The following WASHC2C variants were observed in gnomAD, a reference collection of about 807,000 sequenced individuals.
The protein encoded by WASHC2C is Vaccinia Penetration Factor.
In WASHC2C, 73 loss-of-function variants were observed where a neutral mutation model predicts 142.2. The ratio of observed to expected loss-of-function variants is 0.51; its 90% CI spans 0.43 to 0.62. The LOEUF is 0.62. Ranked by LOEUF, WASHC2C falls within the 20% of genes least tolerant of loss-of-function variation. The pLI is 0.00. For missense variants in WASHC2C, 969 were observed against 1,531.7 expected (o/e 0.63, Z 6.13); for synonymous variants, 337 against 565.5 (o/e 0.60, Z 5.73).
intron 27 of WASHC2C, 69 bp from the exon 28 acceptor site, chr10:45,786,966 T>C (rs1554890449): frequency 9.9e-6 from 16 of 1,611,732 alleles, no homozygotes; most frequent in East Asian, 2.2e-5. Flanking sequence ...AATCTTGTCA[T>C]GTGTCACAAT....
At chr10:45,784,968 A>G (rs1160969818) in intron 25 of WASHC2C, 67 bp downstream of exon 25, 2 of 1,610,952 alleles carry the variant, frequency 1.2e-6, no homozygotes, top group African/African-American at 2.7e-5. Flanking sequence ...ACTAACGTCC[A>G]GTTAGATGAT....
intron 23 of WASHC2C, among the ~76,000 whole-genome samples, chr10:45,784,240 ATGTG>A (rs1190490955): frequency 3.1e-4 from 34 of 109,840 alleles, no homozygotes; most frequent in African/African-American, 9.0e-4. Context: ...ATATATATAT[ATGTG>A]TGTGTGTGTA....
At chr10:45,757,761 C>T (rs1256745145) in intron 16 of WASHC2C, among the ~76,000 whole-genome samples, 14 of 152,200 alleles carry the variant, frequency 9.2e-5, no homozygotes, top group African/African-American at 1.4e-4. Context: ...CTAGATCCCT[C>T]GCATGCACAG....
intron 7 of WASHC2C, among the ~76,000 whole-genome samples, chr10:45,745,589 A>G (rs1217069392): frequency 1.6e-4 from 24 of 151,352 alleles, no homozygotes; most frequent in African/African-American, 5.6e-4. Flanking sequence ...CCTCCAAAGA[A>G]AAACCTGACA....
intron 20 of WASHC2C, among the ~76,000 whole-genome samples, chr10:45,773,020 G>T (rs2056737599): frequency 6.8e-6 from 1 of 147,754 alleles, no homozygotes; most frequent in Non-Finnish European, 1.5e-5. Context: ...GATAGTAACA[G>T]GAAAGGGGCA....
chr10:45,753,234 G>A lies in WASHC2C; in HGVS notation c.1177G>A (p.Glu393Lys). 2 of 1,241,010 alleles carry A rather than the reference G, an allele frequency of 1.6e-6. No homozygotes were observed. Among genetic ancestry groups the A allele is most frequent in the Non-Finnish European group, 1.1e-6 (1 of 935,760 alleles). The allele number at this position is 1,241,010 out of a possible 1,614,324, so 76.9% of individuals were successfully genotyped here. The stretch of plus-strand genomic sequence containing the variant: ...TCGGCAAGCTGGAGCCTCTGTTAAG[G>A]AGGGTAAGCTGGGGCTGGGCAGCTG... ...QDRQAGASVK[E>K]ESSSSKPGKK... The change falls in exon 13 of 31, where the codon GAG becomes AAG. Residue 393 changes from glutamate to lysine, a missense_variant. Physicochemically the swap from Glu to Lys is moderately conservative, Grantham distance 56. Coordinates refer to ENST00000623400, the MANE Select transcript of WASHC2C (RefSeq NM_001330074.2).
Position 45,750,800 on chromosome 10 carries a change from AG to A in WASHC2C, c.898del (p.Asp300MetfsTer47). On this transcript the variant is annotated frameshift_variant, in exon 10 of 31. Transcript: ENST00000623400. LOFTEE classifies it high-confidence loss of function. ...GCAGATGAGCTGGCTGCCCGCATCA[AG>A]GGGGATGCCATGGGTCGAGTGGACG... ...SFADELAARIKGDAMGRVDEE... is the reference protein window; with the variant it reads ...SFADELAARIXGDAMGRVDEE... 1 of 1,548,894 alleles carries A rather than the reference AG, an allele frequency of 6.5e-7. No individual in the cohort carries two copies.
chr10:45,728,774 G>T, intron 2 of WASHC2C, 88 bp from the exon 3 acceptor site: 3 of 1,470,242 alleles, frequency 2.0e-6, no homozygotes, highest in Non-Finnish European at 2.7e-6. Context: ...ACACTCAAAG[G>T]TGAAAGGAAA....
chr10:45,750,847 C>T lies in WASHC2C; in HGVS notation c.931+9C>T, dbSNP rs1242624008. 5.2e-6 allele frequency: 8 copies of T among 1,547,452 alleles called. No homozygotes were observed. The highest frequency in any genetic ancestry group is 7.0e-6 in the Non-Finnish European group (8 of 1,146,568). On this transcript the variant is annotated intron_variant, in intron 10 of 30. Transcript: ENST00000623400. The stretch of plus-strand genomic sequence containing the variant: ...GGACGAGGAGCCGACAAGTGAGCCC[C>T]AGCCACGTTGATGGGGAGTAGGGGA...
At chr10:45,764,400 GCAGCT>G (rs1437204292) in intron 18 of WASHC2C, among the ~76,000 whole-genome samples, 1 of 151,762 alleles carries the variant, frequency 6.6e-6, no homozygotes, top group African/African-American at 2.4e-5. Context: ...GTGGACCTGT[GCAGCT>G]CAAACCTGTG....
In WASHC2C at chr10:45,757,272, A is replaced by G. The variant is rs60985348; in HGVS notation, c.1548+133A>G. 5,010 of 934,662 alleles carry G rather than the reference A, an allele frequency of 5.4e-3. 284 individuals are homozygous for G. The East Asian group carries it at 0.12, about 23-fold the overall frequency. The allele number at this position is 934,662 out of a possible 1,614,324, so 57.9% of individuals were successfully genotyped here. On this transcript the variant is annotated intron_variant, in intron 16 of 30. Coordinates refer to ENST00000623400, the MANE Select transcript of WASHC2C (RefSeq NM_001330074.2). ...ACTTCAAACAGAAAGTGGAAAGAAC[A>G]TTGCAGTGAACACCCAAATAACTGC...
intron 17 of WASHC2C, 142 bp from the exon 18 acceptor site, chr10:45,763,246 C>T: frequency 1.7e-6 from 1 of 599,726 alleles, no homozygotes; most frequent in Non-Finnish European, 3.0e-6. Context: ...TTTAAGGACT[C>T]TGTCTGAGCC....
At chr10:45,734,295 C>T (rs1164630368) in intron 3 of WASHC2C, among the ~76,000 whole-genome samples, 1 of 151,630 alleles carries the variant, frequency 6.6e-6, no homozygotes, top group Non-Finnish European at 1.5e-5. Flanking sequence ...AATTAACCAA[C>T]CATTGAACTT....
intron 17 of WASHC2C, among the ~76,000 whole-genome samples, chr10:45,761,393 C>T (rs1263241617): frequency 6.6e-6 from 1 of 152,174 alleles, no homozygotes; most frequent in Non-Finnish European, 1.5e-5. Flanking sequence ...AAGATGGTCA[C>T]AATGGCCCAT....
chr10:45,766,069 G>C (rs1330966667), intron 19 of WASHC2C, among the ~76,000 whole-genome samples: 4 of 152,172 alleles, frequency 2.6e-5, no homozygotes, highest in African/African-American at 7.2e-5. Context: ...GGCCGGCTAG[G>C]GGGGAAATGA....
intron 8 of WASHC2C, among the ~76,000 whole-genome samples, chr10:45,748,498 G>A (rs1190279282): frequency 1.8e-3 from 271 of 152,228 alleles, no homozygotes; most frequent in African/African-American, 5.8e-3. Context: ...CCATGTTGGC[G>A]CGGCTGGTCT....
rs782068950 is a variant in WASHC2C, at chr10:45,752,680, G to T, written c.1096G>T (p.Gly366Trp). The T allele has an allele frequency of 9.9e-6, 16 of 1,610,094 alleles. No individual in the cohort carries two copies. The highest frequency in any genetic ancestry group is 1.3e-5 in the Non-Finnish European group (15 of 1,179,234). Residue 366 changes from glycine to tryptophan, a missense_variant, in exon 12 of 31, where the codon GGG becomes TGG. Gly to Trp is a radical substitution (Grantham distance 184). Coordinates refer to ENST00000623400, the MANE Select transcript of WASHC2C (RefSeq NM_001330074.2). ...SGGGLFSGGK[G>W]LFDDEDEESD... is the part of the protein sequence containing the mutation. The stretch of plus-strand genomic sequence containing the variant: ...AGGTGGCCTGTTCAGTGGCGGCAAG[G>T]GGCTATTTGATGATGAGGACGAGGA...
intron 3 of WASHC2C, among the ~76,000 whole-genome samples, chr10:45,732,566 G>C (rs1391390705): frequency 6.6e-6 from 1 of 151,936 alleles, no homozygotes; most frequent in Non-Finnish European, 1.5e-5. Context: ...AAAGTCAATT[G>C]TTTCAAAATC....
intron 20 of WASHC2C, chr10:45,771,539 C>G (rs1390260033): frequency 1.0e-6 from 1 of 982,582 alleles, no homozygotes; most frequent in East Asian, 1.1e-4. Context: ...ACCCCCACCC[C>G]ACACAAGGTC....
Sources: gnomAD v4.1 joint callset for allele counts (sites outside exome capture counted in the v4.1 genomes callset) on GRCh38, gnomAD v4.1.1 for gene constraint, MANE v1.5 for transcripts, NCBI Gene and HGNC (gene_info 2026-07-23, HGNC 2026-07-21) for gene names.